ARHGAP9: variants seen among roughly 807,000 people sequenced by gnomAD.
ARHGAP9 encodes the protein rho GTPase-activating protein 9.
ARHGAP9 carries 76 observed loss-of-function variants against 87.3 expected under a neutral mutation model. The ratio of observed to expected loss-of-function variants is 0.87; its 90% CI spans 0.72 to 1.05. The LOEUF (loss-of-function observed/expected upper bound fraction) is 1.05. ARHGAP9 is among the 50% of genes least tolerant of loss of function. ARHGAP9 has a pLI of 0.00. For missense variants in ARHGAP9, 941 were observed against 960.5 expected, an observed-to-expected ratio of 0.98 and a Z score of 0.27; for synonymous variants, 382 against 394.9, an observed-to-expected ratio of 0.97 and a Z score of 0.39.
upstream of ARHGAP9, chr12:57,480,811 C>T: frequency 1.3e-6 from 2 of 1,550,580 alleles, no homozygotes; most frequent in Non-Finnish European, 1.7e-6. Context: ...CTCTCAGCTT[C>T]TCCACTGCAC....
Position 57,475,814 on chromosome 12 carries a change from G to C in ARHGAP9, c.1311+19C>G, listed in dbSNP as rs529527246. On this transcript the variant is annotated intron_variant, in intron 10 of 17. Transcript: ENST00000393791. ...TCCCGGCCGGTCGGAGCCTCCCTCCGGGCCTCCACCCATCTAACCAGCCGC... is the reference window on the plus strand; with the variant it reads ...TCCCGGCCGGTCGGAGCCTCCCTCCCGGCCTCCACCCATCTAACCAGCCGC... 3 of 1,612,378 alleles carry C rather than the reference G, an allele frequency of 1.9e-6. No individual in the cohort carries two copies. Among genetic ancestry groups the C allele is most frequent in the Non-Finnish European group, 1.7e-6 (2 of 1,179,198 alleles).
In ARHGAP9 at chr12:57,474,470, G is replaced by T. The variant is rs1359812172; in HGVS notation, c.1736C>A (p.Ala579Glu). The T allele has an allele frequency of 6.2e-7, 1 of 1,614,096 alleles. No homozygotes were observed. The highest frequency in any genetic ancestry group is 8.5e-7 in the Non-Finnish European group (1 of 1,180,018). ...KLRFLVDRER[A>E]VTSDGRYVFP... ...CACATACCTCCCATCGGAGGTGACCGCACGCTCTGCAACATGAATGAGGAG... is the reference window on the plus strand; with the variant it reads ...CACATACCTCCCATCGGAGGTGACCTCACGCTCTGCAACATGAATGAGGAG... The change falls in exon 15 of 18, where the codon GCG becomes GAG. Residue 579 changes from alanine to glutamate, a missense_variant. Coordinates refer to ENST00000393791, the MANE Select transcript of ARHGAP9 (RefSeq NM_032496.4).
chr12:57,483,610 A>G (rs972890536), upstream of ARHGAP9, among the ~76,000 whole-genome samples: 24 of 152,182 alleles, frequency 1.6e-4, no homozygotes, highest in Non-Finnish European at 4.4e-5. Context: ...CACATTCTTA[A>G]AGTGCACTGA....
chr12:57,487,992 C>T, intron 1 of ARHGAP9: 2 of 941,626 alleles, frequency 2.1e-6, no homozygotes, highest in Non-Finnish European at 3.5e-6. Context: ...GGGCAGTGGC[C>T]TAATACGGAA....
chr12:57,474,947 A>G lies in ARHGAP9; in HGVS notation c.1579T>C (p.Ser527Pro). The G allele has an allele frequency of 1.2e-6, 2 of 1,614,116 alleles. No individual in the cohort carries two copies. The highest frequency in any genetic ancestry group is 1.7e-6 in the Non-Finnish European group (2 of 1,180,030). ...RDQVFGCQLE[S>P]LCQREGDTVP... is the part of the protein sequence containing the mutation. ...GTGTCTCCTTCCCGCTGGCAGAGTGATTCCAACTGGCAGCCGAACACCTGG... is the reference window on the plus strand; with the variant it reads ...GTGTCTCCTTCCCGCTGGCAGAGTGGTTCCAACTGGCAGCCGAACACCTGG... The change falls in exon 13 of 18, where the codon TCA becomes CCA. Residue 527 changes from serine (S) to proline (P), a missense_variant. Transcript: ENST00000393791.
At chr12:57,476,542 C>T (rs746556951) in intron 7 of ARHGAP9, 48 bp downstream of exon 7, 153 of 1,613,130 alleles carry the variant, frequency 9.5e-5, no homozygotes, top group Non-Finnish European at 1.2e-4. Context: ...CCCTGCTCTA[C>T]CCTATGGAGT....
intron 3 of ARHGAP9, chr12:57,477,915 C>T: frequency 7.6e-7 from 1 of 1,310,976 alleles, no homozygotes; most frequent in Non-Finnish European, 9.8e-7. Context: ...CTTCCCGCCT[C>T]CCCCACCCCA....
chr12:57,487,803 C>G, intron 1 of ARHGAP9: 1 of 413,656 alleles, frequency 2.4e-6, no homozygotes, highest in South Asian at 2.9e-5. Flanking sequence ...GAGCCAAGAC[C>G]GTGCCACTGC....
upstream of ARHGAP9, chr12:57,480,997 C>G (rs1874948473): frequency 1.5e-6 from 1 of 652,474 alleles, no homozygotes. Context: ...AATCCTACCC[C>G]TCAACTCTTC....
intron 3 of ARHGAP9, chr12:57,478,143 A>G: frequency 6.1e-6 from 2 of 326,314 alleles, no homozygotes; most frequent in Non-Finnish European, 1.1e-5. Context: ...CTATCAGGCA[A>G]GCAGAACACA....
At chr12:57,475,643 G>T (rs766507946) in intron 10 of ARHGAP9, 28 bp from the exon 11 acceptor site, 3 of 1,600,436 alleles carry the variant, frequency 1.9e-6, no homozygotes, top group East Asian at 4.5e-5. Flanking sequence ...CGTGTCGAAG[G>T]TGAGAGAGGA....
At chr12:57,483,822 T>C (rs539391213), upstream of ARHGAP9, 1 of 429,746 alleles carries the variant, frequency 2.3e-6, no homozygotes, top group South Asian at 1.7e-5. Context: ...GGTGGATCAC[T>C]TGAGGTCAGG....
chr12:57,486,985 C>G (rs149510579), intron 1 of ARHGAP9, among the ~76,000 whole-genome samples: 6 of 149,278 alleles, frequency 4.0e-5, no homozygotes, highest in African/African-American at 1.2e-4. Flanking sequence ...TGTCTACATT[C>G]TTTTTTTTCG....
intron 2 of ARHGAP9, 91 bp downstream of exon 2, chr12:57,479,000 G>C (rs1874645102): frequency 6.8e-7 from 1 of 1,470,486 alleles, no homozygotes; most frequent in African/African-American, 1.4e-5. Flanking sequence ...GCTTGAGGGA[G>C]GGGGACCTCC....
intron 1 of ARHGAP9, chr12:57,488,049 G>C: frequency 6.4e-7 from 1 of 1,560,790 alleles, no homozygotes; most frequent in African/African-American, 1.4e-5. Flanking sequence ...CTCAGAAGCG[G>C]GAGGCCGGTT....
Position 57,476,968 on chromosome 12 carries a change from G to A in ARHGAP9, c.871-5C>T, listed in dbSNP as rs527429598. On this transcript the variant is annotated splice_region_variant and splice_polypyrimidine_tract_variant and intron_variant, in intron 5 of 17. Coordinates refer to ENST00000393791, the MANE Select transcript of ARHGAP9 (RefSeq NM_032496.4). ...TTGGCTGAGGCTGAGTGAACCCTAG[G>A]GGAGAGGATTGGAGAAACAGGTGGG... The A allele has an allele frequency of 6.2e-7, 1 of 1,613,472 alleles. No homozygotes were observed. The highest frequency in any genetic ancestry group is 1.7e-5 in the Admixed American group (1 of 59,950).
chr12:57,475,778 C>G (rs759977462), intron 10 of ARHGAP9, 55 bp downstream of exon 10: 3 of 1,595,422 alleles, frequency 1.9e-6, no homozygotes, highest in African/African-American at 1.3e-5. Context: ...GTTCCTACCC[C>G]ACTCCCTTGG....
At chr12:57,475,038 A>T in intron 12 of ARHGAP9, 65 bp from the exon 13 acceptor site, 1 of 1,526,758 alleles carries the variant, frequency 6.5e-7, no homozygotes, top group Admixed American at 1.7e-5. Context: ...TTCTCAGCAT[A>T]GGTCTTTATC....
intron 15 of ARHGAP9, 121 bp downstream of exon 15, chr12:57,474,302 G>T: frequency 1.3e-6 from 2 of 1,572,154 alleles, no homozygotes; most frequent in Non-Finnish European, 1.7e-6. Context: ...CTGCAGTGGG[G>T]CAAGGTAGCT....
Sources: allele counts gnomAD v4.1 joint callset (sites outside exome capture counted in the v4.1 genomes callset), GRCh38; gene constraint gnomAD v4.1.1; transcripts MANE v1.5; gene names NCBI Gene and HGNC (gene_info 2026-07-23, HGNC 2026-07-21).